Variants in TESC observed in about 807,000 individuals in gnomAD.
The protein encoded by TESC is calcineurin B homologous protein 3.
Under a neutral mutation model 31.0 loss-of-function variants are expected in TESC, and 19 were observed. The observed-to-expected ratio is 0.61, with a 90% confidence interval of 0.43 to 0.90. TESC has a LOEUF of 0.90. Ranked by LOEUF, TESC falls within the 40% of genes least tolerant of loss-of-function variation. The probability of loss-of-function intolerance (pLI) is 0.00; values close to 1 mark genes in which losing one functional copy is unlikely to be tolerated. For missense variants in TESC, 248 were observed against 303.8 expected (o/e 0.82, Z 1.36); for synonymous variants, 109 against 114.8 (o/e 0.95, Z 0.32).
In TESC at chr12:117,075,278, T is replaced by C; in HGVS notation, c.121A>G (p.Thr41Ala). 1.2e-6 allele frequency: 2 copies of C among 1,612,556 alleles called. No individual in the cohort carries two copies. Among genetic ancestry groups the C allele is most frequent in the Non-Finnish European group, 1.7e-6 (2 of 1,179,870 alleles). ...RFKQLSGDQP[T>A]IRKENFNNVP... ...ACCCGCTGCCAATCTTACCGAATGG[T>C]AGGCTGATCTCCACTCAGCTGCTTA... Residue 41 changes from threonine (T) to alanine (A), a missense_variant, in exon 2 of 8, where the codon ACC (threonine) becomes GCC (alanine). Thr to Ala is a moderately conservative substitution (Grantham distance 58). Transcript: ENST00000335209.
At chr12:117,069,976 G>T (rs1954942606) in intron 2 of TESC, among the ~76,000 whole-genome samples, 1 of 152,208 alleles carries the variant, frequency 6.6e-6, no homozygotes, top group African/African-American at 2.4e-5. Flanking sequence ...GGCAAAGGAG[G>T]TGGCACCCTC....
chr12:117,043,540 ACCTCTG>A (rs1227554894), intron 6 of TESC, among the ~76,000 whole-genome samples: 1 of 152,056 alleles, frequency 6.6e-6, no homozygotes, highest in Non-Finnish European at 1.5e-5. Flanking sequence ...GCTCACTGTG[ACCTCTG>A]CCTCCCAGGT....
rs555610567 is a variant in TESC at position 117,052,758 on chromosome 12, C to T, written c.210-3600G>A. On this transcript the variant is annotated intron_variant, in intron 3 of 7. Transcript: ENST00000335209. ...GGAGTCTCCTGGATGCCCCCCCACA[C>T]CCAACCCACCCCCAGGCTCACACCT... 1.6e-4 allele frequency among the ~76,000 whole-genome samples: 25 copies of T among 151,746 alleles called. No individual in the cohort carries two copies. The East Asian group carries it at 4.9e-3, about 29-fold the overall frequency.
At chr12:117,073,476 G>A (rs1157714415) in intron 2 of TESC, among the ~76,000 whole-genome samples, 1 of 152,192 alleles carries the variant, frequency 6.6e-6, no homozygotes, top group Non-Finnish European at 1.5e-5. Flanking sequence ...CAGAATCTGA[G>A]CTCTTGAAAT....
chr12:117,093,873 C>A (rs1337224051), intron 1 of TESC, among the ~76,000 whole-genome samples: 1 of 151,142 alleles, frequency 6.6e-6, no homozygotes, highest in Admixed American at 6.6e-5. Context: ...AAGGAAAAAA[C>A]AGACCCTCCA....
intron 6 of TESC, among the ~76,000 whole-genome samples, chr12:117,045,641 C>T (rs1298606753): frequency 6.6e-6 from 1 of 152,196 alleles, no homozygotes; most frequent in South Asian, 2.1e-4. Flanking sequence ...AGGCCCAGGC[C>T]GGTGGCCTCA....
At chr12:117,063,642 C>T (rs1001190136) in intron 2 of TESC, among the ~76,000 whole-genome samples, 8 of 152,186 alleles carry the variant, frequency 5.3e-5, no homozygotes, top group Admixed American at 1.3e-4. Context: ...GAACTTCCAC[C>T]GCTCCAGGGC....
At position 117,075,875 on chromosome 12, in the gene TESC, GTATATATATATATA is replaced by G. The variant is rs528031954; in HGVS notation, c.59-549_59-536del. ...TATATATATATATATATATATGTGT[GTATATATATATATA>G]TATATATATATATATATATATATAT... On this transcript the variant is annotated intron_variant, in intron 1 of 7. Transcript: ENST00000335209. Among the ~76,000 whole-genome samples the G allele has an allele frequency of 5.0e-3, 314 of 62,514 alleles. 6 individuals are homozygous for G. The highest frequency in any genetic ancestry group is 0.022 in the Middle Eastern group (2 of 90). 41.0% of individuals were successfully genotyped at this position (62,514 alleles called of 152,430 possible).
chr12:117,059,229 G>A (rs765998965), intron 2 of TESC, among the ~76,000 whole-genome samples: 27 of 152,358 alleles, frequency 1.8e-4, no homozygotes, highest in Non-Finnish European at 3.7e-4. Flanking sequence ...TTCTGTGAAC[G>A]CCTTGTGGCC....
chr12:117,093,522 G>A (rs1454031736), intron 1 of TESC, among the ~76,000 whole-genome samples: 1 of 152,234 alleles, frequency 6.6e-6, no homozygotes, highest in Non-Finnish European at 1.5e-5. Context: ...GCCTCCCAAA[G>A]TGCTGGGATT....
chr12:117,071,989 C>T (rs529766313), intron 2 of TESC, among the ~76,000 whole-genome samples: 7 of 152,246 alleles, frequency 4.6e-5, no homozygotes, highest in Admixed American at 3.9e-4. Context: ...CCAGGTGATT[C>T]GAGCACAGTC....
chr12:117,048,966 G>C, intron 4 of TESC, 53 bp downstream of exon 4: 2 of 1,612,602 alleles, frequency 1.2e-6, no homozygotes, highest in Non-Finnish European at 1.7e-6. Context: ...TGAGGTCTTA[G>C]GGGAGGCTGC....
intron 1 of TESC, among the ~76,000 whole-genome samples, chr12:117,082,361 G>A (rs766550968): frequency 4.0e-5 from 6 of 151,886 alleles, no homozygotes; most frequent in Admixed American, 1.3e-4. Flanking sequence ...AAAATTAGCC[G>A]GGCATGGTGG....
At chr12:117,075,893 A>ATATATATATATATGTGTGTGTGTG (rs1955057125) in intron 1 of TESC, among the ~76,000 whole-genome samples, 5 of 82,178 alleles carry the variant, frequency 6.1e-5, no homozygotes, top group African/African-American at 3.5e-4. Flanking sequence ...ATATATATAT[A>ATATATATATATATGTGTGTGTGTG]TATATATATA....
In TESC at chr12:117,038,950, T is replaced by A. The variant is rs1291326905; in HGVS notation, c.*183A>T. ...AATTAACAAACCTTTTTTTTTTTTT[T>A]ATTGGAGATAAAAACAGCGAAGTCC... On this transcript the variant is annotated 3_prime_UTR_variant, in exon 8 of 8. Coordinates refer to ENST00000335209, the MANE Select transcript of TESC (RefSeq NM_017899.4). 9.0e-6 allele frequency: 5 copies of A among 553,312 alleles called. No individual in the cohort carries two copies. Among genetic ancestry groups the A allele is most frequent in the African/African-American group, 5.8e-5 (3 of 52,028 alleles). 34.3% of individuals were successfully genotyped at this position (553,312 alleles called of 1,614,324 possible). A position where few individuals can be genotyped will look rare whatever the true frequency, so the allele number is the denominator to read the frequency against.
At chr12:117,096,693 A>G (rs931079087) in intron 1 of TESC, among the ~76,000 whole-genome samples, 2 of 152,094 alleles carry the variant, frequency 1.3e-5, no homozygotes, top group African/African-American at 4.8e-5. Context: ...TTTATAGTAG[A>G]TAAAACTGAG....
chr12:117,070,910 G>T (rs1184767264), intron 2 of TESC, among the ~76,000 whole-genome samples: 1 of 152,156 alleles, frequency 6.6e-6, no homozygotes, highest in Non-Finnish European at 1.5e-5. Flanking sequence ...GGTCAAGGCT[G>T]CAGTGAGCCA....
intron 3 of TESC, among the ~76,000 whole-genome samples, chr12:117,052,621 CA>C (rs1388242697): frequency 6.6e-6 from 1 of 152,156 alleles, no homozygotes; most frequent in Non-Finnish European, 1.5e-5. Context: ...CTCACCACCC[CA>C]TACCTGGCCA....
chr12:117,060,321 A>C (rs1053686791), intron 2 of TESC, among the ~76,000 whole-genome samples: 1 of 152,084 alleles, frequency 6.6e-6, no homozygotes, highest in Non-Finnish European at 1.5e-5. Flanking sequence ...TTGAGAGGGA[A>C]TATGGGGGCC....
Sources: gnomAD v4.1 joint callset for allele counts (sites outside exome capture counted in the v4.1 genomes callset) on GRCh38, gnomAD v4.1.1 for gene constraint, MANE v1.5 for transcripts, NCBI Gene and HGNC (gene_info 2026-07-23, HGNC 2026-07-21) for gene names.